C2CD2L: variants seen among roughly 807,000 people sequenced by gnomAD.
The protein encoded by C2CD2L is phospholipid transfer protein C2CD2L.
C2CD2L carries 24 observed loss-of-function variants against 69.9 expected under a neutral mutation model. That is an observed-to-expected ratio of 0.34 (90% CI 0.25 to 0.48). C2CD2L has a LOEUF of 0.48. C2CD2L is among the 20% of genes least tolerant of loss of function. C2CD2L has a pLI of 0.99. For synonymous variants in C2CD2L, 367 were observed against 391.0 expected (o/e 0.94, Z 0.72); for missense variants, 811 against 941.5 (o/e 0.86, Z 1.81).
chr11:119,116,217 C>G lies in C2CD2L; in HGVS notation c.2082C>G (p.Ser694=). ...RRLIKRFSFK[S]KPKANGNPSP... ...TTATCAAGCGCTTTTCCTTCAAATC[C>G]AAACCCAAGGCCAATGGTAACCCCA... Residue 694 remains serine (S), a synonymous_variant, in exon 14 of 14, where the codon TCC becomes TCG. Coordinates refer to ENST00000648610, the MANE Select transcript of C2CD2L (RefSeq NM_001290474.2). 6.2e-7 allele frequency: 1 copy of G among 1,614,240 alleles called. No homozygotes were observed. The highest frequency in any genetic ancestry group is 8.5e-7 in the Non-Finnish European group (1 of 1,180,036).
rs750760202 is a variant in C2CD2L, at chr11:119,112,350, G to A, written c.1042G>A (p.Glu348Lys). The change falls in exon 8 of 14, where the codon GAG (glutamate) becomes AAG (lysine). Residue 348 changes from glutamate to lysine, a missense_variant. By Grantham distance (56) the Glu-to-Lys change is moderately conservative. Coordinates refer to ENST00000648610, the MANE Select transcript of C2CD2L (RefSeq NM_001290474.2). ...CAGGGATCTGGGCCCCCAGAGCCGGGAGCTGACCCTCAAAGTGCTGAGGAG... is the reference window on the plus strand; with the variant it reads ...CAGGGATCTGGGCCCCCAGAGCCGGAAGCTGACCCTCAAAGTGCTGAGGAG... The part of the protein sequence containing the change: ...LALDLGPQSR[E>K]LTLKVLRSSS... 26 of 1,613,012 alleles carry A rather than the reference G, an allele frequency of 1.6e-5. No individual in the cohort carries two copies. The highest frequency in any genetic ancestry group is 2.1e-5 in the Non-Finnish European group (25 of 1,179,856).
intron 1 of C2CD2L, chr11:119,108,300 G>C (rs1403970914): frequency 1.9e-6 from 1 of 516,662 alleles, no homozygotes; most frequent in East Asian, 3.5e-5. Flanking sequence ...CCATTTCTGT[G>C]GGCAAGGTAC....
Position 119,110,467 on chromosome 11 carries a change from C to G in C2CD2L, c.451-94C>G. 7.1e-7 allele frequency: 1 copy of G among 1,399,150 alleles called. No individual in the cohort carries two copies. The allele number at this position is 1,399,150 out of a possible 1,614,324, so 86.7% of individuals were successfully genotyped here. On this transcript the variant is annotated intron_variant, in intron 2 of 13. Coordinates refer to ENST00000648610, the MANE Select transcript of C2CD2L (RefSeq NM_001290474.2). This position sits in a 1 kb window ranked among gnomAD's most constrained non-coding sequence, Gnocchi z 5.7. ...TGAAAACATGAAGTCCTTAGGAAAA[C>G]GGAAGTGGGGAGGGGTCTGCTGAAC...
At position 119,112,814 on chromosome 11, in the gene C2CD2L, G is replaced by A; in HGVS notation, c.1327G>A (p.Gly443Ser). ...GCTTGACCGGACCATCATGCCCGAT[G>A]GCACCATTGTCACCACAGTCACCAC... ...IELDRTIMPD[G>S]TIVTTVTTVQ... Residue 443 changes from glycine to serine, a missense_variant, in exon 10 of 14, where the codon GGC (glycine) becomes AGC (serine). Physicochemically the swap from Gly to Ser is moderately conservative, Grantham distance 56 (BLOSUM62 0). Coordinates refer to ENST00000648610, the MANE Select transcript of C2CD2L (RefSeq NM_001290474.2). The A allele has an allele frequency of 6.2e-7, 1 of 1,614,072 alleles. No individual in the cohort carries two copies. The highest frequency in any genetic ancestry group is 8.5e-7 in the Non-Finnish European group (1 of 1,179,956).
Position 119,110,000 on chromosome 11 carries a change from A to G in C2CD2L, c.355-104A>G. On this transcript the variant is annotated intron_variant, in intron 1 of 13. Coordinates refer to ENST00000648610, the MANE Select transcript of C2CD2L (RefSeq NM_001290474.2). The surrounding 1 kb of genome is among the most constrained non-coding windows in gnomAD (Gnocchi z 5.1). ...AAGGAGGGGCCAGAAGCCAGCCTGC[A>G]GCTGAGGCCTCCGCAGTGGCAGAGT... 1 of 820,222 alleles carries G rather than the reference A, an allele frequency of 1.2e-6. No homozygotes were observed. Among genetic ancestry groups the G allele is most frequent in the Non-Finnish European group, 2.1e-6 (1 of 472,950 alleles). The allele number at this position is 820,222 out of a possible 1,614,324, so 50.8% of individuals were successfully genotyped here.
At position 119,117,132 on chromosome 11, in the gene C2CD2L, G is replaced by C. The variant is rs985353208; in HGVS notation, c.*876G>C. ...ATTGGAGTTTATAAACTGGACAACT[G>C]GTTATCCTTTGAAAGGCAGTAGGCA... is the stretch of plus-strand genomic sequence containing the variant. On this transcript the variant is annotated 3_prime_UTR_variant, in exon 14 of 14. Transcript: ENST00000648610. 6.6e-6 allele frequency: 1 copy of C among 152,668 alleles called. No individual in the cohort carries two copies. The highest frequency in any genetic ancestry group is 2.4e-5 in the African/African-American group (1 of 41,438). 9.5% of individuals were successfully genotyped at this position (152,668 alleles called of 1,614,324 possible). A position where few individuals can be genotyped will look rare whatever the true frequency, so the allele number is the denominator to read the frequency against.
rs1170302046 is a variant in C2CD2L at position 119,116,189 on chromosome 11, G to A, written c.2054G>A (p.Arg685His). The A allele has an allele frequency of 2.5e-6, 4 of 1,614,242 alleles. No homozygotes were observed. The highest frequency in any genetic ancestry group is 2.2e-5 in the East Asian group (1 of 44,888). The change falls in exon 14 of 14, where the codon CGC becomes CAC. Residue 685 changes from arginine to histidine, a missense_variant. By Grantham distance (29) the Arg-to-His change is conservative. Coordinates refer to ENST00000648610, the MANE Select transcript of C2CD2L (RefSeq NM_001290474.2). ...AAGAAGGCCGGCAGCTTTTCTCGCC[G>A]CCTTATCAAGCGCTTTTCCTTCAAA... ...VRKKAGSFSR[R>H]LIKRFSFKSK...
rs146951476 is a variant in C2CD2L at position 119,114,166 on chromosome 11, C to T, written c.1710C>T (p.Ser570=). 9.9e-5 allele frequency: 159 copies of T among 1,613,972 alleles called. No homozygotes were observed. Among genetic ancestry groups the T allele is most frequent in the African/African-American group, 7.1e-4 (53 of 74,908 alleles). Reference sequence around the variant, plus strand: ...CAGTGCAGGATGATGCAGGGACCAGCGGAGGCCCCTCTTCACCTCCCTCAG... The same window carrying T: ...CAGTGCAGGATGATGCAGGGACCAGTGGAGGCCCCTCTTCACCTCCCTCAG... The part of the protein sequence containing the change: ...EASVQDDAGT[S]GGPSSPPSDP... The change falls in exon 13 of 14, where the codon AGC becomes AGT. Residue 570 remains serine, a synonymous_variant. Transcript: ENST00000648610. This position sits in a 1 kb window ranked among gnomAD's most constrained non-coding sequence, Gnocchi z 5.1.
chr11:119,112,055 G>C (rs1411032329), intron 7 of C2CD2L: 7 of 508,052 alleles, frequency 1.4e-5, no homozygotes, highest in Non-Finnish European at 2.5e-5. Flanking sequence ...TGGAGCAAAT[G>C]AAAGAGGGTG....
At chr11:119,115,636 T>C (rs1277500852) in intron 13 of C2CD2L, 1 of 275,960 alleles carries the variant, frequency 3.6e-6, no homozygotes, top group Non-Finnish European at 6.9e-6. Context: ...AGTGTCAACC[T>C]ACCTTTCCCT....
upstream of C2CD2L, among the ~76,000 whole-genome samples, chr11:119,102,860 CTTTTTTTTTTTT>C (rs141575057): frequency 5.3e-4 from 23 of 43,454 alleles, no homozygotes; most frequent in East Asian, 0.014. Flanking sequence ...AATTCACCAG[CTTTTTTTTTTTT>C]TTTTTTTTTT....
chr11:119,107,927 G>T lies in C2CD2L; in HGVS notation c.186G>T (p.Glu62Asp). 1.3e-6 allele frequency: 2 copies of T among 1,539,582 alleles called. No individual in the cohort carries two copies. Among genetic ancestry groups the T allele is most frequent in the Non-Finnish European group, 1.7e-6 (2 of 1,149,074 alleles). ...LAGEPAGSLR[E>D]LGVWRSLLRL... The stretch of plus-strand genomic sequence containing the variant: ...GGGAACCCGCGGGTTCCCTGCGGGA[G>T]CTGGGCGTGTGGCGCTCGCTGCTGC... Residue 62 changes from glutamate (E) to aspartate (D), a missense_variant, in exon 1 of 14, where the codon GAG becomes GAT. By Grantham distance (45) the Glu-to-Asp change is conservative (BLOSUM62 2). Transcript: ENST00000648610. The surrounding 1 kb of genome is among the most constrained non-coding windows in gnomAD (Gnocchi z 5.4).
In C2CD2L at chr11:119,107,887, G is replaced by A; in HGVS notation, c.146G>A (p.Gly49Glu). The A allele has an allele frequency of 6.6e-7, 1 of 1,520,716 alleles. No homozygotes were observed. Among genetic ancestry groups the A allele is most frequent in the Non-Finnish European group, 8.8e-7 (1 of 1,142,070 alleles). 94.2% of individuals were successfully genotyped at this position (1,520,716 alleles called of 1,614,324 possible). Residue 49 changes from glycine to glutamate, a missense_variant, in exon 1 of 14, where the codon GGA (glycine) becomes GAA (glutamate). Gly to Glu is a moderately conservative substitution (Grantham distance 98). Transcript: ENST00000648610. This position sits in a 1 kb window ranked among gnomAD's most constrained non-coding sequence, Gnocchi z 5.4. ...CGGGCCCGCGGGGACCGGGGCCCGG[G>A]ACCCGCCTTAGCCGGGGAACCCGCG... ...LARARGDRGPGPALAGEPAGS... is the reference protein window; with the variant it reads ...LARARGDRGPEPALAGEPAGS...
chr11:119,104,371 C>T (rs1009192560), upstream of C2CD2L, among the ~76,000 whole-genome samples: 6 of 152,118 alleles, frequency 3.9e-5, no homozygotes, highest in African/African-American at 1.4e-4. Flanking sequence ...GATCATTAGC[C>T]CTCCCTACCA....
Position 119,110,703 on chromosome 11 carries a change from G to C in C2CD2L, c.570+23G>C, listed in dbSNP as rs1262140789. On this transcript the variant is annotated intron_variant, in intron 3 of 13. Coordinates refer to ENST00000648610, the MANE Select transcript of C2CD2L (RefSeq NM_001290474.2). This position sits in a 1 kb window ranked among gnomAD's most constrained non-coding sequence, Gnocchi z 5.7. Reference sequence around the variant, plus strand: ...CAGGTAGAAGGGGATGTGGGAAACTGAGTTGGGCAGGGGCGGTTCCATTGG... The same window carrying C: ...CAGGTAGAAGGGGATGTGGGAAACTCAGTTGGGCAGGGGCGGTTCCATTGG... The C allele has an allele frequency of 6.2e-7, 1 of 1,613,752 alleles. No homozygotes were observed. Among genetic ancestry groups the C allele is most frequent in the African/African-American group, 1.3e-5 (1 of 75,056 alleles).
Position 119,112,697 on chromosome 11 carries a change from C to T in C2CD2L, c.1213-3C>T, listed in dbSNP as rs746415496. On this transcript the variant is annotated splice_polypyrimidine_tract_variant and splice_region_variant and intron_variant, in intron 9 of 13. Coordinates refer to ENST00000648610, the MANE Select transcript of C2CD2L (RefSeq NM_001290474.2). ...GTCTCTTCTCTCTCCCACCCCTGGG[C>T]AGCTTCACTATGAGGAGGGCTCTCC... 7.4e-6 allele frequency: 12 copies of T among 1,612,860 alleles called. No individual in the cohort carries two copies. The South Asian group carries it at 1.3e-4, about 18-fold the overall frequency.
intron 10 of C2CD2L, 36 bp downstream of exon 10, chr11:119,112,910 AGGG>A (rs1314457703): frequency 1.6e-5 from 25 of 1,594,124 alleles, no homozygotes; most frequent in Non-Finnish European, 2.1e-5. Flanking sequence ...AGCTCTAGCC[AGGG>A]GCCCGGGACT....
In C2CD2L at chr11:119,114,764, C is replaced by T. The variant is rs536692182; in HGVS notation, c.1909+399C>T. The T allele has an allele frequency of 4.0e-6, 1 of 250,106 alleles. No individual in the cohort carries two copies. The highest frequency in any genetic ancestry group is 4.6e-5 in the South Asian group (1 of 21,722). 15.5% of individuals were successfully genotyped at this position (250,106 alleles called of 1,614,324 possible). A position where few individuals can be genotyped will look rare whatever the true frequency, so the allele number is the denominator to read the frequency against. On this transcript the variant is annotated intron_variant, in intron 13 of 13. Transcript: ENST00000648610. The surrounding 1 kb of genome is among the most constrained non-coding windows in gnomAD (Gnocchi z 5.1). ...GACTAGCCTGGGCAACATGGCGAGACCCCATCTCTACTAAAAATACAATAA... is the reference window on the plus strand; with the variant it reads ...GACTAGCCTGGGCAACATGGCGAGATCCCATCTCTACTAAAAATACAATAA...
chr11:119,104,542 C>T (rs2134926992), upstream of C2CD2L, among the ~76,000 whole-genome samples: 1 of 152,324 alleles, frequency 6.6e-6, no homozygotes, highest in East Asian at 1.9e-4. Flanking sequence ...AGTTGATGAT[C>T]AGACTAATCA....
Sources: gnomAD v4.1 joint callset for allele counts (sites outside exome capture counted in the v4.1 genomes callset) on GRCh38, gnomAD v4.1.1 for gene constraint, Gnocchi (gnomAD v3.1) non-coding constraint, MANE v1.5 for transcripts, NCBI Gene and HGNC (gene_info 2026-07-23, HGNC 2026-07-21) for gene names.